Variants in FHIT observed in about 807,000 individuals in gnomAD.
The protein encoded by FHIT is bis(5'-adenosyl)-triphosphatase.
FHIT carries 19 observed loss-of-function variants against 17.9 expected under a neutral mutation model. That is an observed-to-expected ratio of 1.06 (90% CI 0.74 to 1.56). FHIT has a LOEUF of 1.56. Ranked by LOEUF, FHIT falls within the 40% of genes most tolerant of loss-of-function variation. The pLI, the probability that FHIT is intolerant of heterozygous loss-of-function variation, is 0.00. For synonymous variants in FHIT, 81 were observed against 69.7 expected, an observed-to-expected ratio of 1.16 and a Z score of -0.81; for missense variants, 248 against 189.2, an observed-to-expected ratio of 1.31 and a Z score of -1.82.
At chr3:60,091,047 C>T (rs1204399457) in intron 5 of FHIT, among the ~76,000 whole-genome samples, 1 of 152,192 alleles carries the variant, frequency 6.6e-6, no homozygotes, top group Non-Finnish European at 1.5e-5. Flanking sequence ...CCTCAGCTCA[C>T]TGATGCAGAA....
At chr3:60,929,190 G>T (rs368911960) in intron 3 of FHIT, among the ~76,000 whole-genome samples, 120 of 152,222 alleles carry the variant, frequency 7.9e-4, no homozygotes, top group African/African-American at 2.7e-3. Flanking sequence ...CTCAATAAAT[G>T]AGGTATTGAT....
At chr3:60,469,203 C>T (rs2032954998) in intron 5 of FHIT, among the ~76,000 whole-genome samples, 1 of 152,068 alleles carries the variant, frequency 6.6e-6, no homozygotes, top group African/African-American at 2.4e-5. Flanking sequence ...ATATCTTTCT[C>T]TAGGTTTTGG....
chr3:60,517,578 G>A (rs767870367), intron 5 of FHIT, among the ~76,000 whole-genome samples: 1 of 152,140 alleles, frequency 6.6e-6, no homozygotes, highest in East Asian at 1.9e-4. Flanking sequence ...ACTGGGAATT[G>A]CCATATATGG....
At chr3:61,170,649 T>C (rs1366868534) in intron 2 of FHIT, among the ~76,000 whole-genome samples, 4 of 152,200 alleles carry the variant, frequency 2.6e-5, no homozygotes, top group African/African-American at 9.6e-5. Flanking sequence ...CATGTGTTAG[T>C]TTGCTAAGGA....
chr3:60,433,740 T>C (rs184074193), intron 5 of FHIT, among the ~76,000 whole-genome samples: 2 of 152,156 alleles, frequency 1.3e-5, no homozygotes, highest in Non-Finnish European at 2.9e-5. Context: ...TCTATTTAAG[T>C]CCTTTTGCTC....
At chr3:60,624,727 T>G (rs1336552452) in intron 4 of FHIT, among the ~76,000 whole-genome samples, 1 of 152,188 alleles carries the variant, frequency 6.6e-6, no homozygotes, top group Non-Finnish European at 1.5e-5. Flanking sequence ...ATTCCATATG[T>G]GGTCTTTTCT....
At chr3:60,124,944 T>C (rs957323877) in intron 5 of FHIT, among the ~76,000 whole-genome samples, 2 of 152,148 alleles carry the variant, frequency 1.3e-5, no homozygotes, top group African/African-American at 4.8e-5. Flanking sequence ...AACCCACATA[T>C]TAGATCTGAT....
At chr3:60,640,110 G>A (rs1415462287) in intron 4 of FHIT, among the ~76,000 whole-genome samples, 2 of 152,062 alleles carry the variant, frequency 1.3e-5, no homozygotes, top group African/African-American at 4.8e-5. Context: ...TAAAATCAAC[G>A]GTTGCCTGAG....
At chr3:60,391,684 C>A (rs1701240337) in intron 5 of FHIT, among the ~76,000 whole-genome samples, 1 of 152,130 alleles carries the variant, frequency 6.6e-6, no homozygotes, top group Non-Finnish European at 1.5e-5. Context: ...GTATGTATAG[C>A]CTACATGTGC....
intron 2 of FHIT, among the ~76,000 whole-genome samples, chr3:61,109,252 C>T (rs994810106): frequency 5.9e-5 from 9 of 152,156 alleles, no homozygotes; most frequent in Non-Finnish European, 1.2e-4. Flanking sequence ...TAAGCATACC[C>T]TAAGAATAAC....
intron 5 of FHIT, among the ~76,000 whole-genome samples, chr3:60,118,029 T>C (rs1286101043): frequency 6.6e-6 from 1 of 152,196 alleles, no homozygotes; most frequent in Admixed American, 6.5e-5. Context: ...AGCGGTGAGT[T>C]TGAGACCAAG....
chr3:60,958,204 T>C (rs537615472), intron 3 of FHIT, among the ~76,000 whole-genome samples: 69 of 152,330 alleles, frequency 4.5e-4, no homozygotes, highest in Admixed American at 9.8e-4. Context: ...TAGATACGCA[T>C]AGATTTTCTC....
chr3:60,587,001 T>A (rs2107688707), intron 4 of FHIT, among the ~76,000 whole-genome samples: 1 of 152,042 alleles, frequency 6.6e-6, no homozygotes, highest in Non-Finnish European at 1.5e-5. Flanking sequence ...AAAATAAAAA[T>A]TTTAAAAAAT....
chr3:60,141,654 A>G (rs987267428), intron 5 of FHIT, among the ~76,000 whole-genome samples: 5 of 152,202 alleles, frequency 3.3e-5, no homozygotes, highest in African/African-American at 1.2e-4. Context: ...CAATGTTTTT[A>G]GAAAAACATC....
chr3:60,095,558 G>T (rs530209926), intron 5 of FHIT, among the ~76,000 whole-genome samples: 3 of 152,312 alleles, frequency 2.0e-5, no homozygotes, highest in Non-Finnish European at 2.9e-5. Context: ...AATATCACAT[G>T]TGAGTCTTGC....
At chr3:60,752,223 G>T (rs1559694725) in intron 4 of FHIT, among the ~76,000 whole-genome samples, 1 of 152,126 alleles carries the variant, frequency 6.6e-6, no homozygotes, top group Non-Finnish European at 1.5e-5. Flanking sequence ...CACTGGGGGT[G>T]GGGGAACACA....
intron 4 of FHIT, among the ~76,000 whole-genome samples, chr3:60,587,416 C>G (rs1483113223): frequency 6.6e-6 from 1 of 151,918 alleles, no homozygotes. Flanking sequence ...GGCTTAAAAC[C>G]TAGATGATGG....
intron 5 of FHIT, among the ~76,000 whole-genome samples, chr3:60,350,522 A>G (rs1181840391): frequency 6.6e-6 from 1 of 152,102 alleles, no homozygotes; most frequent in African/African-American, 2.4e-5. Flanking sequence ...AATAAGACAC[A>G]TGTTTAAGCA....
At chr3:59,867,783 G>C (rs1417700967) in intron 8 of FHIT, among the ~76,000 whole-genome samples, 1 of 151,946 alleles carries the variant, frequency 6.6e-6, no homozygotes, top group Non-Finnish European at 1.5e-5. Context: ...CTAGATTATA[G>C]AGGACAAAAT....
Sources: gnomAD v4.1 joint callset for allele counts (sites outside exome capture counted in the v4.1 genomes callset) on GRCh38, gnomAD v4.1.1 for gene constraint, MANE v1.5 for transcripts, NCBI Gene and HGNC (gene_info 2026-07-23, HGNC 2026-07-21) for gene names.